PCDHA1: variants seen among roughly 807,000 people sequenced by gnomAD.
The protein encoded by PCDHA1 is protocadherin alpha 1.
PCDHA1 carries 42 observed loss-of-function variants against 61.3 expected under a neutral mutation model. That is an observed-to-expected ratio of 0.69 (90% CI 0.54 to 0.89). PCDHA1 has a LOEUF of 0.89. PCDHA1 is among the 40% of genes least tolerant of loss of function. The pLI, the probability that PCDHA1 is intolerant of heterozygous loss-of-function variation, is 0.00. For missense variants in PCDHA1, 1,256 were observed against 1,235.3 expected (o/e 1.02, Z -0.25); for synonymous variants, 610 against 553.8 (o/e 1.10, Z -1.43).
rs150637034 is a variant in PCDHA1 at position 140,828,096 on chromosome 5, T to C, written c.2394+39412T>C. On this transcript the variant is annotated intron_variant, in intron 1 of 3. Coordinates refer to ENST00000504120, the MANE Select transcript of PCDHA1 (RefSeq NM_018900.4). ...ATAAAACCAGAGGTATTTGACATGGTGTTTACCCCGGAGGATAGATTGGGA... is the reference window on the plus strand; with the variant it reads ...ATAAAACCAGAGGTATTTGACATGGCGTTTACCCCGGAGGATAGATTGGGA... 3.2e-4 allele frequency: 509 copies of C among 1,604,738 alleles called. 4 individuals carry two copies. In the African/African-American group the frequency reaches 5.9e-3, roughly 19 times the overall value.
chr5:140,891,635 G>A (rs1266162781), intron 1 of PCDHA1, among the ~76,000 whole-genome samples: 3 of 151,868 alleles, frequency 2.0e-5, no homozygotes, highest in African/African-American at 7.3e-5. Context: ...TTTGCTCTTT[G>A]GGCTTTATTG....
At position 140,840,716 on chromosome 5, in the gene PCDHA1, GAATA is replaced by G. The variant is rs1444091534; in HGVS notation, c.2394+52035_2394+52038del. 3.2e-4 allele frequency among the ~76,000 whole-genome samples: 48 copies of G among 151,992 alleles called. 1 individual carries two copies. Among genetic ancestry groups the G allele is most frequent in the Non-Finnish European group, 1.5e-5 (1 of 67,982 alleles). ...CGGTTCAGGCAATTTGACATTTATT[GAATA>G]AAGAAAAGCAAAAATTTAACAATAA... On this transcript the variant is annotated intron_variant, in intron 1 of 3. Coordinates refer to ENST00000504120, the MANE Select transcript of PCDHA1 (RefSeq NM_018900.4).
intron 1 of PCDHA1, chr5:140,884,038 G>A (rs1554181095): frequency 6.2e-7 from 1 of 1,613,432 alleles, no homozygotes; most frequent in South Asian, 1.1e-5. Context: ...CAGGCCACGT[G>A]GTGGCGAAGG....
chr5:140,878,468 A>G (rs2057603759), intron 1 of PCDHA1, among the ~76,000 whole-genome samples: 1 of 152,188 alleles, frequency 6.6e-6, no homozygotes, highest in Non-Finnish European at 1.5e-5. Flanking sequence ...TAATAAAATC[A>G]TTTCTCAATT....
intron 1 of PCDHA1, chr5:140,804,095 C>T (rs1268728896): frequency 6.4e-6 from 1 of 156,994 alleles, no homozygotes; most frequent in East Asian, 1.9e-4. Flanking sequence ...GATCATTACA[C>T]CTGTTGTCTT....
At chr5:140,965,496 ATTTTTT>A (rs71766133) in intron 1 of PCDHA1, among the ~76,000 whole-genome samples, 2 of 146,442 alleles carry the variant, frequency 1.4e-5, no homozygotes, top group African/African-American at 2.5e-5. Flanking sequence ...ATGACAGCAG[ATTTTTT>A]TTTTTTTTTA....
chr5:140,997,686 G>T (rs1005092816), intron 3 of PCDHA1, among the ~76,000 whole-genome samples: 1 of 151,980 alleles, frequency 6.6e-6, no homozygotes, highest in Non-Finnish European at 1.5e-5. Flanking sequence ...GTGTGTGTGT[G>T]TGTGTGTGTG....
At position 140,836,280 on chromosome 5, in the gene PCDHA1, A is replaced by G. The variant is rs1774331146; in HGVS notation, c.2394+47596A>G. 6.2e-7 allele frequency: 1 copy of G among 1,613,762 alleles called. No homozygotes were observed. Among genetic ancestry groups the G allele is most frequent in the African/African-American group, 1.3e-5 (1 of 74,966 alleles). On this transcript the variant is annotated intron_variant, in intron 1 of 3. Coordinates refer to ENST00000504120, the MANE Select transcript of PCDHA1 (RefSeq NM_018900.4). ...GGGGCTGTACACTGGTGAGATCAGCACGACACGAGCCCTAGATGAGACGGA... is the reference window on the plus strand; with the variant it reads ...GGGGCTGTACACTGGTGAGATCAGCGCGACACGAGCCCTAGATGAGACGGA...
chr5:140,928,409 C>A (rs782636217), intron 1 of PCDHA1: 2 of 1,613,912 alleles, frequency 1.2e-6, no homozygotes, highest in Non-Finnish European at 8.5e-7. Context: ...TCCAGTGGGG[C>A]CATCACTGCC....
intron 1 of PCDHA1, among the ~76,000 whole-genome samples, chr5:140,789,016 A>T (rs1262208106): frequency 6.6e-6 from 1 of 152,216 alleles, no homozygotes; most frequent in African/African-American, 2.4e-5. Context: ...GGGGTAACTT[A>T]TTATGTTATC....
At chr5:140,937,739 C>T (rs1563162684) in intron 1 of PCDHA1, among the ~76,000 whole-genome samples, 1 of 151,716 alleles carries the variant, frequency 6.6e-6, no homozygotes, top group African/African-American at 2.4e-5. Context: ...GGTGAAACCC[C>T]GTCTCTACTA....
chr5:140,884,120 G>C, intron 1 of PCDHA1: 2 of 1,613,324 alleles, frequency 1.2e-6, no homozygotes, highest in South Asian at 2.2e-5. Flanking sequence ...GGCGGTCGGC[G>C]CGCGCATCCC....
intron 1 of PCDHA1, chr5:140,825,479 G>GT (rs1181440529): frequency 6.7e-6 from 1 of 149,750 alleles, no homozygotes; most frequent in Admixed American, 6.7e-5. Flanking sequence ...TTTTGCTCTT[G>GT]TTGCCCAAAC....
chr5:140,894,790 T>G lies in PCDHA1; in HGVS notation c.2395-84159T>G, dbSNP rs943284227. On this transcript the variant is annotated intron_variant, in intron 1 of 3. Coordinates refer to ENST00000504120, the MANE Select transcript of PCDHA1 (RefSeq NM_018900.4). ...TCCTTTAGTGTAATTATTTGTCCTC[T>G]CCTTTAAAAATAATTTTATATCAGA... Among the ~76,000 whole-genome samples, 13 of 152,282 alleles carry G rather than the reference T, an allele frequency of 8.5e-5. No individual in the cohort carries two copies. The South Asian group carries it at 2.5e-3, about 29-fold the overall frequency.
chr5:140,871,722 A>G (rs1354844618), intron 1 of PCDHA1: 1 of 760,470 alleles, frequency 1.3e-6, no homozygotes, highest in Non-Finnish European at 2.0e-6. Context: ...ATTTCTCTTA[A>G]TATTTGGTTA....
intron 1 of PCDHA1, chr5:140,927,406 G>C: frequency 6.2e-7 from 1 of 1,614,210 alleles, no homozygotes; most frequent in East Asian, 2.2e-5. Context: ...CTTTCGCCTG[G>C]ACATGGGATC....
At chr5:140,803,543 C>A (rs782432564) in intron 1 of PCDHA1, 25 of 1,614,074 alleles carry the variant, frequency 1.5e-5, no homozygotes, top group Non-Finnish European at 1.9e-5. Flanking sequence ...GTCCAATTAG[C>A]CGGGATAGAG....
chr5:140,884,160 T>G lies in PCDHA1; in HGVS notation c.2395-94789T>G. 2 of 1,613,366 alleles carry G rather than the reference T, an allele frequency of 1.2e-6. No homozygotes were observed. The highest frequency in any genetic ancestry group is 1.7e-6 in the Non-Finnish European group (2 of 1,179,734). Reference sequence around the variant, plus strand: ...CGCGTGGGGCTGTACACTGGCGAGATCAGCACGACGCGCCCTCTGGACGAG... The same window carrying G: ...CGCGTGGGGCTGTACACTGGCGAGAGCAGCACGACGCGCCCTCTGGACGAG... On this transcript the variant is annotated intron_variant, in intron 1 of 3. Coordinates refer to ENST00000504120, the MANE Select transcript of PCDHA1 (RefSeq NM_018900.4).
intron 1 of PCDHA1, among the ~76,000 whole-genome samples, chr5:140,971,546 A>G (rs1236125448): frequency 6.6e-6 from 1 of 152,146 alleles, no homozygotes; most frequent in African/African-American, 2.4e-5. Context: ...TGCCAGATCA[A>G]CCTGTTAAAT....
Sources: allele counts gnomAD v4.1 joint callset (sites outside exome capture counted in the v4.1 genomes callset), GRCh38; gene constraint gnomAD v4.1.1; transcripts MANE v1.5; gene names NCBI Gene and HGNC (gene_info 2026-07-23, HGNC 2026-07-21).